MCM6: variants seen among roughly 807,000 people sequenced by gnomAD.
MCM6 encodes DNA replication licensing factor MCM6.
Under a neutral mutation model 94.3 loss-of-function variants are expected in MCM6, and 46 were observed. The observed-to-expected ratio is 0.49, with a 90% CI of 0.39 to 0.62. The LOEUF (loss-of-function observed/expected upper bound fraction) is 0.62, where lower values mean the gene tolerates loss of function less well. Ranked by LOEUF, MCM6 falls within the 20% of genes least tolerant of loss-of-function variation. The pLI, the probability that MCM6 is intolerant of heterozygous loss-of-function variation, is 0.00. For synonymous variants in MCM6, 335 were observed against 351.9 expected (o/e 0.95, Z 0.54); for missense variants, 865 against 1,017.9 (o/e 0.85, Z 2.04).
At chr2:135,850,738 G>C (rs1679766854) in intron 13 of MCM6, among the ~76,000 whole-genome samples, 1 of 152,072 alleles carries the variant, frequency 6.6e-6, no homozygotes, top group African/African-American at 2.4e-5. Flanking sequence ...AAATGTTTTG[G>C]ATCTTGAGCT....
At chr2:135,851,302 T>C in intron 13 of MCM6, 100 bp downstream of exon 13, 1 of 881,996 alleles carries the variant, frequency 1.1e-6, no homozygotes, top group Non-Finnish European at 1.7e-6. Flanking sequence ...TACATAAAAA[T>C]GTATTTGCAG....
At chr2:135,867,409 A>G (rs1680111910) in intron 4 of MCM6, among the ~76,000 whole-genome samples, 1 of 152,142 alleles carries the variant, frequency 6.6e-6, no homozygotes, top group Non-Finnish European at 1.5e-5. Flanking sequence ...TTCATACTTT[A>G]TAAGATAAGA....
intron 6 of MCM6, 124 bp from the exon 7 acceptor site, chr2:135,865,287 A>G (rs1327324188): frequency 1.6e-6 from 1 of 615,956 alleles, no homozygotes; most frequent in African/African-American, 1.9e-5. Flanking sequence ...TATTGACTGT[A>G]AAGGTTTAAA....
chr2:135,857,759 C>A, intron 10 of MCM6, 138 bp downstream of exon 10: 1 of 634,258 alleles, frequency 1.6e-6, no homozygotes, highest in Middle Eastern at 4.3e-4. Flanking sequence ...ATAAATAATT[C>A]TCAGGGCTGT....
chr2:135,848,289 A>G, intron 13 of MCM6, 101 bp from the exon 14 acceptor site: 1 of 734,760 alleles, frequency 1.4e-6, no homozygotes, highest in East Asian at 2.6e-5. Flanking sequence ...GTTTTCTCAC[A>G]AACACACACA....
At position 135,876,324 on chromosome 2, in the gene MCM6, CTGGCTGCCGGCGCCCGG is replaced by C; in HGVS notation, c.25_41del (p.Pro9AlafsTer31). ...CCACCTCGTCGCGGACCTCCAGGTG[CTGGCTGCCGGCGCCCGG>C]CTCCGCTGCCGCCGCGAGGTCCATA... is the stretch of plus-strand genomic sequence containing the variant. On this transcript the variant is annotated frameshift_variant, in exon 1 of 17. Coordinates refer to ENST00000264156, the MANE Select transcript of MCM6 (RefSeq NM_005915.6). LOFTEE classifies it high-confidence loss of function. 1 of 1,610,352 alleles carries C rather than the reference CTGGCTGCCGGCGCCCGG, an allele frequency of 6.2e-7. No individual in the cohort carries two copies. The highest frequency in any genetic ancestry group is 1.1e-5 in the South Asian group (1 of 90,972).
chr2:135,858,085 G>A, intron 9 of MCM6, 81 bp from the exon 10 acceptor site: 1 of 1,313,122 alleles, frequency 7.6e-7, no homozygotes, highest in Non-Finnish European at 1.1e-6. Flanking sequence ...AGCACTTTGG[G>A]AGGCCAAGGC....
chr2:135,849,050 CAG>C (rs1032192305), intron 13 of MCM6, among the ~76,000 whole-genome samples: 1 of 152,142 alleles, frequency 6.6e-6, no homozygotes, highest in African/African-American at 2.4e-5. Context: ...CTGAGTGAAA[CAG>C]AAGACTTAAG....
intron 8 of MCM6, 113 bp downstream of exon 8, chr2:135,862,494 T>C (rs1680014677): frequency 6.2e-6 from 7 of 1,122,108 alleles, no homozygotes; most frequent in Middle Eastern, 2.1e-4. Flanking sequence ...ATATTCAACA[T>C]AGTCATAATT....
Position 135,857,987 on chromosome 2 carries a change from A to G in MCM6, c.1380T>C (p.Asp460=). The G allele has an allele frequency of 6.2e-7, 1 of 1,613,652 alleles. No individual in the cohort carries two copies. The highest frequency in any genetic ancestry group is 8.5e-7 in the Non-Finnish European group (1 of 1,180,022). ...CCCGCACGTCCATCTTATCAAATTC[A>G]TCAATACAACACACACCCTGTAACC... ...MLADNGVCCI[D]EFDKMDVRDQ... is the part of the protein sequence containing the mutation. Residue 460 remains aspartate, a synonymous_variant, in exon 10 of 17, where the codon GAT becomes GAC. Transcript: ENST00000264156.
intron 8 of MCM6, among the ~76,000 whole-genome samples, chr2:135,860,664 C>T (rs1246105286): frequency 6.6e-6 from 1 of 152,186 alleles, no homozygotes; most frequent in Non-Finnish European, 1.5e-5. Flanking sequence ...AACACCTTTT[C>T]ATTACAAAAA....
At chr2:135,871,976 TACA>T in intron 2 of MCM6, among the ~76,000 whole-genome samples, 1 of 152,254 alleles carries the variant, frequency 6.6e-6, no homozygotes, top group Middle Eastern at 3.4e-3. Context: ...GAACAAGAAG[TACA>T]ACAACGTCAA....
chr2:135,876,269 A>C lies in MCM6; in HGVS notation c.97T>G (p.Phe33Val). The C allele has an allele frequency of 6.2e-7, 1 of 1,604,776 alleles. No homozygotes were observed. Among genetic ancestry groups the C allele is most frequent in the Middle Eastern group, 1.7e-4 (1 of 5,832 alleles). The change falls in exon 1 of 17, where the codon TTC (phenylalanine) becomes GTC (valine). Residue 33 changes from phenylalanine to valine, a missense_variant. Transcript: ENST00000264156. ...AEKCQKLFLD[F>V]LEEFQSSDGE... The stretch of plus-strand genomic sequence containing the variant: ...CGCTCGCCGACTTACTCCTCCAAGA[A>C]GTCCAGGAACAGTTTCTGGCACTTC...
Position 135,852,881 on chromosome 2 carries a change from T to C in MCM6, c.1661A>G (p.Asp554Gly), listed in dbSNP as rs1679803025. ...TGATTCCTCAATTCTTGAATGCAAATCTACTATGCGCCTGGCAATGGCATA... is the reference window on the plus strand; with the variant it reads ...TGATTCCTCAATTCTTGAATGCAAACCTACTATGCGCCTGGCAATGGCATA... ...TDYAIARRIV[D>G]LHSRIEESID... Residue 554 changes from aspartate (D) to glycine (G), a missense_variant, in exon 12 of 17, where the codon GAT becomes GGT. Physicochemically the swap from Asp to Gly is moderately conservative, Grantham distance 94. Coordinates refer to ENST00000264156, the MANE Select transcript of MCM6 (RefSeq NM_005915.6). 6.2e-7 allele frequency: 1 copy of C among 1,611,242 alleles called. No individual in the cohort carries two copies. The highest frequency in any genetic ancestry group is 1.3e-5 in the African/African-American group (1 of 74,794).
In MCM6 at chr2:135,851,582, C is replaced by G. The variant is rs1679781134; in HGVS notation, c.1756-19G>C. ...TGGAAATCTGTTTCAGATCATCACT[C>G]AAGTTAGAGAAACATTTCTATTTGA... On this transcript the variant is annotated intron_variant, in intron 12 of 16. Transcript: ENST00000264156. 6.4e-7 allele frequency: 1 copy of G among 1,569,656 alleles called. No individual in the cohort carries two copies. The highest frequency in any genetic ancestry group is 1.1e-5 in the South Asian group (1 of 87,184).
Position 135,866,592 on chromosome 2 carries a change from A to G in MCM6, c.752T>C (p.Val251Ala). ...KCDFTGTLIV[V>A]PDVSKLSTPG... ...TGTGCTAAGCTTGGAGACGTCAGGC[A>G]CAACAATCAGTGTCCCTGTAAAGTC... Residue 251 changes from valine to alanine, a missense_variant, in exon 5 of 17, where the codon GTG becomes GCG. Coordinates refer to ENST00000264156, the MANE Select transcript of MCM6 (RefSeq NM_005915.6). 6.2e-7 allele frequency: 1 copy of G among 1,613,516 alleles called. No individual in the cohort carries two copies. Among genetic ancestry groups the G allele is most frequent in the Non-Finnish European group, 8.5e-7 (1 of 1,179,828 alleles).
chr2:135,859,026 G>A (rs920099541), intron 9 of MCM6, among the ~76,000 whole-genome samples: 1 of 152,024 alleles, frequency 6.6e-6, no homozygotes, highest in Non-Finnish European at 1.5e-5. Context: ...GAGTAGCTGG[G>A]ACCACAAGCA....
chr2:135,876,186 C>G lies in MCM6; in HGVS notation c.107+73G>C, dbSNP rs138586953. ...CCCCAGGTTCCGGAACACCCGCCGC[C>G]CACACGGCACCGCCTGGCCCAGACG... On this transcript the variant is annotated intron_variant, in intron 1 of 16. Coordinates refer to ENST00000264156, the MANE Select transcript of MCM6 (RefSeq NM_005915.6). 2.8e-3 allele frequency: 3,454 copies of G among 1,214,160 alleles called. 14 individuals are homozygous for G. The highest frequency in any genetic ancestry group is 0.011 in the South Asian group (651 of 57,616). The allele number at this position is 1,214,160 out of a possible 1,614,324, so 75.2% of individuals were successfully genotyped here.
chr2:135,869,261 C>A (rs1310038670), intron 3 of MCM6, among the ~76,000 whole-genome samples: 1 of 151,962 alleles, frequency 6.6e-6, no homozygotes, highest in African/African-American at 2.4e-5. Context: ...ACTAGCCAGT[C>A]GTGGTGGCGG....
Sources: allele counts gnomAD v4.1 joint callset (sites outside exome capture counted in the v4.1 genomes callset), GRCh38; gene constraint gnomAD v4.1.1; transcripts MANE v1.5; gene names NCBI Gene and HGNC (gene_info 2026-07-23, HGNC 2026-07-21).